The following GLP2R variants were observed in gnomAD, a reference collection of about 807,000 sequenced individuals.
GLP2R encodes the protein glucagon-like peptide 2 receptor.
In GLP2R, 59 loss-of-function variants were observed where a neutral mutation model predicts 68.2. The ratio of observed to expected loss-of-function variants is 0.87; its 90% CI spans 0.70 to 1.07. The LOEUF is 1.07. Ranked by LOEUF, GLP2R falls within the 50% of genes least tolerant of loss-of-function variation. The pLI is 0.00. For missense variants in GLP2R, 548 were observed against 677.4 expected (o/e 0.81, Z 2.12); for synonymous variants, 270 against 265.4 (o/e 1.02, Z -0.17).
In GLP2R at chr17:9,826,109, G is replaced by A. The variant is rs771291456; in HGVS notation, c.46G>A (p.Gly16Arg). ...SRAGPGRGSA[G>R]LLPGVHELPM... ...GGCAGGGCCTGGGAGAGGAAGCGCG[G>A]GACTCCTGCCTGGCGTCCACGAGCT... Residue 16 changes from glycine (G) to arginine (R), a missense_variant, in exon 1 of 13, where the codon GGA becomes AGA. Transcript: ENST00000262441. The A allele has an allele frequency of 5.0e-6, 8 of 1,612,742 alleles. No homozygotes were observed. The highest frequency in any genetic ancestry group is 2.7e-5 in the African/African-American group (2 of 74,906).
chr17:9,832,691 A>G (rs1280811306), intron 1 of GLP2R, among the ~76,000 whole-genome samples: 1 of 150,680 alleles, frequency 6.6e-6, no homozygotes, highest in African/African-American at 2.5e-5. Context: ...AGATTGTCCC[A>G]TCACACTCTA....
At chr17:9,872,038 A>G (rs1455275957) in intron 10 of GLP2R, among the ~76,000 whole-genome samples, 2 of 152,060 alleles carry the variant, frequency 1.3e-5, no homozygotes, top group Non-Finnish European at 2.9e-5. Context: ...TTTGCTTTCT[A>G]TGTGGCATAT....
chr17:9,863,517 A>G (rs2067005959), intron 9 of GLP2R, among the ~76,000 whole-genome samples: 1 of 152,264 alleles, frequency 6.6e-6, no homozygotes, highest in Admixed American at 6.5e-5. Flanking sequence ...GTGCAGCTCA[A>G]AAACTATTTA....
chr17:9,866,075 C>A, intron 9 of GLP2R: 1 of 345,312 alleles, frequency 2.9e-6, no homozygotes, highest in Non-Finnish European at 5.7e-6. Context: ...TTCTAGGGCT[C>A]CCCAGAGAGT....
At chr17:9,879,216 T>C (rs1185234325) in intron 10 of GLP2R, among the ~76,000 whole-genome samples, 1 of 150,024 alleles carries the variant, frequency 6.7e-6, no homozygotes, top group African/African-American at 2.5e-5. Flanking sequence ...GGCTAGGAGT[T>C]TGAGACCAGC....
intron 10 of GLP2R, among the ~76,000 whole-genome samples, chr17:9,878,634 A>C (rs1015843075): frequency 2.6e-5 from 4 of 152,158 alleles, no homozygotes; most frequent in African/African-American, 9.7e-5. Context: ...TCTGGTTCAC[A>C]CAATCACATG....
intron 1 of GLP2R, among the ~76,000 whole-genome samples, chr17:9,827,833 G>A (rs1450425184): frequency 1.6e-4 from 25 of 152,054 alleles, no homozygotes; most frequent in Non-Finnish European, 2.9e-5. Context: ...ATGGTGGTGT[G>A]TGCCTGTAAT....
At position 9,889,881 on chromosome 17, in the gene GLP2R, T is replaced by C. The variant is rs2067276776; in HGVS notation, c.*176T>C. 4 of 638,396 alleles carry C rather than the reference T, an allele frequency of 6.3e-6. No homozygotes were observed. Among genetic ancestry groups the C allele is most frequent in the Middle Eastern group, 5.9e-4 (2 of 3,386 alleles). 39.5% of individuals were successfully genotyped at this position (638,396 alleles called of 1,614,324 possible). A position where few individuals can be genotyped will look rare whatever the true frequency, so the allele number is the denominator to read the frequency against. On this transcript the variant is annotated 3_prime_UTR_variant, in exon 13 of 13. Transcript: ENST00000262441. ...CAAGCTCTGTATGAAAGAGGCTGTG[T>C]GTCATGCTCACAGCCTCTGCCTGCT...
In GLP2R at chr17:9,842,380, C is replaced by A. The variant is rs944637333; in HGVS notation, c.383-115C>A. ...TAAACAGTGAGGATGTTAATGAGCC[C>A]CCAAAAGGGGAAATGAAAATCCCTT... On this transcript the variant is annotated intron_variant, in intron 3 of 12. Coordinates refer to ENST00000262441, the MANE Select transcript of GLP2R (RefSeq NM_004246.3). 3.0e-6 allele frequency: 4 copies of A among 1,315,250 alleles called. No homozygotes were observed. The African/African-American group carries it at 4.4e-5, about 14-fold the overall frequency. The allele number at this position is 1,315,250 out of a possible 1,614,324, so 81.5% of individuals were successfully genotyped here. A position where few individuals can be genotyped will look rare whatever the true frequency, so the allele number is the denominator to read the frequency against.
At chr17:9,879,105 T>TGAG (rs1410401094) in intron 10 of GLP2R, among the ~76,000 whole-genome samples, 1 of 151,754 alleles carries the variant, frequency 6.6e-6, no homozygotes, top group East Asian at 1.9e-4. Flanking sequence ...TCAGGATCCA[T>TGAG]GAGGAGTTCC....
At chr17:9,865,332 G>T (rs1463984360) in intron 9 of GLP2R, among the ~76,000 whole-genome samples, 2 of 152,102 alleles carry the variant, frequency 1.3e-5, no homozygotes, top group Non-Finnish European at 2.9e-5. Flanking sequence ...GTGTGTGTGT[G>T]TGTGCAGACC....
intron 4 of GLP2R, chr17:9,853,268 G>T: frequency 3.5e-6 from 1 of 285,424 alleles, no homozygotes; most frequent in Non-Finnish European, 6.8e-6. Flanking sequence ...ATAGTTCTGG[G>T]GCCTCCGGGG....
chr17:9,866,958 A>G (rs2067043644), intron 9 of GLP2R: 1 of 152,256 alleles, frequency 6.6e-6, no homozygotes, highest in Non-Finnish European at 1.5e-5. Flanking sequence ...AACCAATAAA[A>G]TAAAATAAGA....
intron 1 of GLP2R, among the ~76,000 whole-genome samples, chr17:9,826,563 C>A (rs1449365599): frequency 6.6e-6 from 1 of 152,150 alleles, no homozygotes; most frequent in Non-Finnish European, 1.5e-5. Context: ...AATGTGAGTT[C>A]TGCAAATAGC....
chr17:9,853,191 G>T, intron 4 of GLP2R: 1 of 388,510 alleles, frequency 2.6e-6, no homozygotes, highest in South Asian at 2.9e-5. Context: ...GATAAGTGGT[G>T]TTCCTTTTCA....
chr17:9,865,946 G>A, intron 9 of GLP2R: 1 of 470,784 alleles, frequency 2.1e-6, no homozygotes, highest in South Asian at 1.6e-5. Flanking sequence ...CCAGAGAAAG[G>A]CATTAGATCT....
chr17:9,877,460 C>T (rs1156583533), intron 10 of GLP2R, among the ~76,000 whole-genome samples: 3 of 152,126 alleles, frequency 2.0e-5, no homozygotes, highest in South Asian at 2.1e-4. Flanking sequence ...CTGTACTAAA[C>T]GAAATGTGGG....
In GLP2R at chr17:9,880,363, G is replaced by C. The variant is rs760628220; in HGVS notation, c.1146-15G>C. 1 of 1,557,552 alleles carries C rather than the reference G, an allele frequency of 6.4e-7. No individual in the cohort carries two copies. The highest frequency in any genetic ancestry group is 8.8e-7 in the Non-Finnish European group (1 of 1,138,850). The stretch of plus-strand genomic sequence containing the variant: ...CATGTGGCCCTCTTGACTGTTATTT[G>C]GTTGTCATTTACAGATTGGCAAAAT... On this transcript the variant is annotated splice_polypyrimidine_tract_variant and intron_variant, in intron 10 of 12. Transcript: ENST00000262441.
At chr17:9,851,993 G>GTGATGCAA (rs2066895543) in intron 4 of GLP2R, among the ~76,000 whole-genome samples, 2 of 149,510 alleles carry the variant, frequency 1.3e-5, no homozygotes, top group Admixed American at 1.3e-4. Context: ...AATACAATAT[G>GTGATGCAA]CCAATAATTT....
Sources: gnomAD v4.1 joint callset for allele counts (sites outside exome capture counted in the v4.1 genomes callset) on GRCh38, gnomAD v4.1.1 for gene constraint, MANE v1.5 for transcripts, NCBI Gene and HGNC (gene_info 2026-07-23, HGNC 2026-07-21) for gene names.